Variants in AGAP1 observed in about 807,000 individuals in gnomAD.
The protein encoded by AGAP1 is arf-GAP with GTPase, ANK repeat and PH domain-containing protein 1.
AGAP1 carries 29 observed loss-of-function variants against 105.3 expected under a neutral mutation model. That is an observed-to-expected ratio of 0.28 (90% confidence interval 0.21 to 0.38). AGAP1 has a LOEUF of 0.38. Ranked by LOEUF, AGAP1 falls within the 10% of genes least tolerant of loss-of-function variation. The pLI, the probability that AGAP1 is intolerant of heterozygous loss-of-function variation, is 1.00. For synonymous variants in AGAP1, 509 were observed against 485.9 expected (o/e 1.05, Z -0.63); for missense variants, 998 against 1,165.1 (o/e 0.86, Z 2.09).
intron 1 of AGAP1, among the ~76,000 whole-genome samples, chr2:235,617,038 A>G (rs561386888): frequency 1.3e-5 from 2 of 152,038 alleles, no homozygotes; most frequent in African/African-American, 4.8e-5. Context: ...CTGGGCTCAC[A>G]TTTTATGAAT....
At chr2:235,858,291 A>T (rs1309106016) in intron 9 of AGAP1, among the ~76,000 whole-genome samples, 2 of 152,236 alleles carry the variant, frequency 1.3e-5, no homozygotes, top group African/African-American at 4.8e-5. Context: ...AAAATGTAAG[A>T]ATAATGCTAT....
chr2:235,987,273 C>T (rs936232023), intron 13 of AGAP1, among the ~76,000 whole-genome samples: 5 of 151,852 alleles, frequency 3.3e-5, no homozygotes, highest in African/African-American at 1.2e-4. Flanking sequence ...TCTAGATTTT[C>T]TAGTTTATTT....
intron 1 of AGAP1, among the ~76,000 whole-genome samples, chr2:235,594,292 T>G (rs1333119725): frequency 6.6e-5 from 10 of 150,902 alleles, no homozygotes; most frequent in Non-Finnish European, 1.3e-4. Flanking sequence ...TTCTGGGGTT[T>G]TTTTTTTTTC....
intron 10 of AGAP1, among the ~76,000 whole-genome samples, chr2:235,898,747 T>A (rs1486165540): frequency 6.6e-6 from 1 of 152,158 alleles, no homozygotes; most frequent in Non-Finnish European, 1.5e-5. Context: ...CTAGAACTGT[T>A]TTTAAAGATG....
Position 235,553,829 on chromosome 2 carries a change from C to G in AGAP1, c.163+58980C>G, listed in dbSNP as rs770185704. On this transcript the variant is annotated intron_variant, in intron 1 of 17. Coordinates refer to ENST00000304032, the MANE Select transcript of AGAP1 (RefSeq NM_001037131.3). The surrounding 1 kb of genome is among the most constrained non-coding windows in gnomAD (Gnocchi z 4.5). Reference sequence around the variant, plus strand: ...GAGCAACTGACGTCGTATTTCCACCCGACAATGGCTTGATTCACTTGATAA... The same window carrying G: ...GAGCAACTGACGTCGTATTTCCACCGGACAATGGCTTGATTCACTTGATAA... 6.6e-6 allele frequency among the ~76,000 whole-genome samples: 1 copy of G among 152,206 alleles called. No homozygotes were observed. Among genetic ancestry groups the G allele is most frequent in the Non-Finnish European group, 1.5e-5 (1 of 68,032 alleles).
At chr2:235,558,943 G>A (rs999327674) in intron 1 of AGAP1, among the ~76,000 whole-genome samples, 1 of 151,166 alleles carries the variant, frequency 6.6e-6, no homozygotes, top group Admixed American at 6.6e-5. Context: ...TTTTTTTTTA[G>A]ATAGGGTCTC....
At chr2:235,768,749 G>A (rs1362153967) in intron 6 of AGAP1, among the ~76,000 whole-genome samples, 2 of 152,172 alleles carry the variant, frequency 1.3e-5, no homozygotes, top group Admixed American at 1.3e-4. Flanking sequence ...GAGAGGGTAG[G>A]CACAGCCGCC....
intron 16 of AGAP1, among the ~76,000 whole-genome samples, chr2:236,099,284 C>G (rs1167888924): frequency 1.3e-5 from 2 of 151,994 alleles, no homozygotes; most frequent in South Asian, 2.1e-4. Context: ...AACCCCATCT[C>G]TACTAAAAAA....
intron 8 of AGAP1, among the ~76,000 whole-genome samples, chr2:235,800,079 G>A (rs77948673): frequency 0.042 from 6,401 of 151,492 alleles, 438 homozygotes; most frequent in African/African-American, 0.15. Context: ...TCACAATCTG[G>A]GTGCACTCGG....
At position 235,792,951 on chromosome 2, in the gene AGAP1, G is replaced by A. The variant is rs556987506; in HGVS notation, c.674-4808G>A. Among the ~76,000 whole-genome samples the A allele has an allele frequency of 1.2e-3, 180 of 152,250 alleles. 1 individual carries two copies. Among genetic ancestry groups the A allele is most frequent in the African/African-American group, 4.1e-3 (170 of 41,562 alleles). ...CCCAGGCAGAGGGCATGGGAAAAAG[G>A]ACACCAGGAGGATGCCAGGGAAGCA... On this transcript the variant is annotated intron_variant, in intron 6 of 17. Coordinates refer to ENST00000304032, the MANE Select transcript of AGAP1 (RefSeq NM_001037131.3). The surrounding 1 kb of genome is among the most constrained non-coding windows in gnomAD (Gnocchi z 5.3).
chr2:235,812,904 C>A (rs886600794), intron 9 of AGAP1, among the ~76,000 whole-genome samples: 1 of 152,222 alleles, frequency 6.6e-6, no homozygotes, highest in African/African-American at 2.4e-5. Flanking sequence ...TCCCCAGAAG[C>A]AGATAATTTA....
At position 235,930,892 on chromosome 2, in the gene AGAP1, T is replaced by A. The variant is rs1460907508; in HGVS notation, c.1452T>A (p.Ala484=). The change falls in exon 12 of 18, where the codon GCT becomes GCA. Residue 484 remains alanine, a synonymous_variant. Transcript: ENST00000304032. The surrounding 1 kb of genome is among the most constrained non-coding windows in gnomAD (Gnocchi z 7.9). Reference sequence around the variant, plus strand: ...CCAGTGCCGACCAGTGGAGTGAGGCTACGGTCATTGCAAACTCGGCCATCA... The same window carrying A: ...CCAGTGCCGACCAGTGGAGTGAGGCAACGGTCATTGCAAACTCGGCCATCA... The part of the protein sequence containing the change: ...SVSSADQWSE[A]TVIANSAISS... The A allele has an allele frequency of 4.3e-6, 7 of 1,613,958 alleles. No individual in the cohort carries two copies. The highest frequency in any genetic ancestry group is 4.0e-5 in the African/African-American group (3 of 74,922).
In AGAP1 at chr2:235,639,405, G is replaced by A. The variant is rs1388768341; in HGVS notation, c.164-69774G>A. Reference sequence around the variant, plus strand: ...AGAAGTCGGCCTGCGATAGAACCCGGGGAATCCCAGTGTTTCCAGGGTGGG... The same window carrying A: ...AGAAGTCGGCCTGCGATAGAACCCGAGGAATCCCAGTGTTTCCAGGGTGGG... On this transcript the variant is annotated intron_variant, in intron 1 of 17. Coordinates refer to ENST00000304032, the MANE Select transcript of AGAP1 (RefSeq NM_001037131.3). This position sits in a 1 kb window ranked among gnomAD's most constrained non-coding sequence, Gnocchi z 5.3. 2.0e-5 allele frequency among the ~76,000 whole-genome samples: 3 copies of A among 152,154 alleles called. No homozygotes were observed. Among genetic ancestry groups the A allele is most frequent in the African/African-American group, 7.2e-5 (3 of 41,434 alleles).
intron 16 of AGAP1, among the ~76,000 whole-genome samples, chr2:236,069,946 G>A (rs923620591): frequency 3.9e-5 from 6 of 152,212 alleles, no homozygotes; most frequent in Non-Finnish European, 5.9e-5. Flanking sequence ...GTAGAGGGCC[G>A]GGAATGTGTC....
At position 235,960,530 on chromosome 2, in the gene AGAP1, C is replaced by T. The variant is rs931402611; in HGVS notation, c.1484-7932C>T. 3.3e-5 allele frequency among the ~76,000 whole-genome samples: 5 copies of T among 152,168 alleles called. No individual in the cohort carries two copies. Among genetic ancestry groups the T allele is most frequent in the Admixed American group, 1.3e-4 (2 of 15,274 alleles). On this transcript the variant is annotated intron_variant, in intron 12 of 17. Transcript: ENST00000304032. This position sits in a 1 kb window ranked among gnomAD's most constrained non-coding sequence, Gnocchi z 4.9. ...GGTCCAGTGCAGGTGGGCGTGCGGACTCTTCCGTACCTCACTTCTCCCTGC... is the reference window on the plus strand; with the variant it reads ...GGTCCAGTGCAGGTGGGCGTGCGGATTCTTCCGTACCTCACTTCTCCCTGC...
rs778164736 is a variant in AGAP1 at position 235,883,811 on chromosome 2, T to G, written c.1155+362T>G. On this transcript the variant is annotated intron_variant, in intron 10 of 17. Transcript: ENST00000304032. The surrounding 1 kb of genome is among the most constrained non-coding windows in gnomAD (Gnocchi z 4.5). ...CGAGAATGAAGGAAACAATTACATTTGAACCCAGGATTTAGCTTTGAAAAG... is the reference window on the plus strand; with the variant it reads ...CGAGAATGAAGGAAACAATTACATTGGAACCCAGGATTTAGCTTTGAAAAG... 3.3e-5 allele frequency among the ~76,000 whole-genome samples: 5 copies of G among 152,224 alleles called. No individual in the cohort carries two copies. Among genetic ancestry groups the G allele is most frequent in the Admixed American group, 6.5e-5 (1 of 15,290 alleles).
chr2:235,529,483 T>A (rs1319946228), intron 1 of AGAP1, among the ~76,000 whole-genome samples: 1 of 151,996 alleles, frequency 6.6e-6, no homozygotes, highest in Non-Finnish European at 1.5e-5. Context: ...TGGCAGGAGG[T>A]GCAGATCTCT....
At position 235,579,911 on chromosome 2, in the gene AGAP1, C is replaced by T. The variant is rs376869311; in HGVS notation, c.163+85062C>T. 2.8e-4 allele frequency among the ~76,000 whole-genome samples: 42 copies of T among 152,380 alleles called. No homozygotes were observed. In the South Asian group the frequency reaches 7.9e-3, roughly 29 times the overall value. On this transcript the variant is annotated intron_variant, in intron 1 of 17. Coordinates refer to ENST00000304032, the MANE Select transcript of AGAP1 (RefSeq NM_001037131.3). ...GTTCTTCAGCAGTCATTGCCCATTT[C>T]CCCCTCTCCCTAGCACCTGACGACC...
At chr2:235,775,698 A>G (rs1955807544) in intron 6 of AGAP1, 1 of 152,156 alleles carries the variant, frequency 6.6e-6, no homozygotes, top group African/African-American at 2.4e-5. Flanking sequence ...CTTTGCTGTT[A>G]TAAATTTTCT....
Sources: allele counts gnomAD v4.1 joint callset (sites outside exome capture counted in the v4.1 genomes callset), GRCh38; gene constraint gnomAD v4.1.1; non-coding constraint Gnocchi (gnomAD v3.1); transcripts MANE v1.5; gene names NCBI Gene and HGNC (gene_info 2026-07-23, HGNC 2026-07-21).